MBD3L1: variants seen among roughly 807,000 people sequenced by gnomAD.
The protein encoded by MBD3L1 is methyl-CpG binding domain protein 3 like 1.
For synonymous variants in MBD3L1, 84 were observed against 85.1 expected, an observed-to-expected ratio of 0.99 and a Z score of 0.07; for missense variants, 203 against 230.1, an observed-to-expected ratio of 0.88 and a Z score of 0.76.
At chr19:8,839,410 T>C (rs2194167) in intron 1 of MBD3L1, among the ~76,000 whole-genome samples, 137,780 of 151,836 alleles carry the variant, frequency 0.91, 62,501 homozygotes, top group South Asian at 0.94. Context: ...CTGTGTTAGC[T>C]AGGATGGTCT....
chr19:8,834,425 T>C (rs978979827), intron 1 of MBD3L1, among the ~76,000 whole-genome samples: 3 of 151,452 alleles, frequency 2.0e-5, no homozygotes, highest in African/African-American at 7.3e-5. Context: ...CTGGCTAACA[T>C]GGTGAAACCC....
rs57499698 is a variant in MBD3L1, at chr19:8,839,185, C to CTTT, written c.-106-1715_-106-1713dup. 7.0e-4 allele frequency among the ~76,000 whole-genome samples: 85 copies of CTTT among 122,110 alleles called. 2 individuals are homozygous for CTTT. Among genetic ancestry groups the CTTT allele is most frequent in the African/African-American group, 1.7e-3 (54 of 31,028 alleles). 80.1% of individuals were successfully genotyped at this position (122,110 alleles called of 152,430 possible). On this transcript the variant is annotated intron_variant, in intron 1 of 2. Coordinates refer to ENST00000595891, the MANE Select transcript of MBD3L1 (RefSeq NM_001393532.1). ...GATTTTCTTTTTTTTCTTTTCTTTT[C>CTTT]TTTTTTTTTTTTTTTTTGAGACAGA...
rs777778031 is a variant in MBD3L1, at chr19:8,842,983, G to A, written c.305G>A (p.Gly102Asp). 2 of 1,614,228 alleles carry A rather than the reference G, an allele frequency of 1.2e-6. No individual in the cohort carries two copies. The highest frequency in any genetic ancestry group is 4.5e-5 in the East Asian group (2 of 44,880). ...CAAAAACTTGTCCCTAGTTACACAG[G>A]TGGATCTCTGCTGGAGGATCTTGCC... ...TLQKLVPSYTGGSLLEDLASG... is the reference protein window; with the variant it reads ...TLQKLVPSYTDGSLLEDLASG... Residue 102 changes from glycine to aspartate, a missense_variant, in exon 3 of 3, where the codon GGT becomes GAT. Gly to Asp is a moderately conservative substitution (Grantham distance 94). Transcript: ENST00000595891.
intron 1 of MBD3L1, among the ~76,000 whole-genome samples, chr19:8,837,333 C>A (rs576040543): frequency 6.6e-6 from 1 of 152,284 alleles, no homozygotes; most frequent in African/African-American, 2.4e-5. Context: ...AAAATAAGTA[C>A]TGGTGTAGCC....
Position 8,842,907 on chromosome 19 carries a change from T to TA in MBD3L1, c.230dup (p.Tyr77Ter). ...WQRRLQGLQA[Y>*]SSAGELSSTL... is the part of the protein sequence containing the mutation. ...GAGGAGACTGCAGGGACTCCAGGCT[T>TA]ACAGCAGTGCAGGAGAACTTTCAAG... Residue 77 changes from tyrosine to a stop codon, truncating the protein, a stop_gained and frameshift_variant, in exon 3 of 3, where the codon TAC (tyrosine) becomes TAAC (stop). Coordinates refer to ENST00000595891, the MANE Select transcript of MBD3L1 (RefSeq NM_001393532.1). LOFTEE classifies it low-confidence loss of function (END_TRUNC). 6.2e-7 allele frequency: 1 copy of TA among 1,614,222 alleles called. No homozygotes were observed. The highest frequency in any genetic ancestry group is 8.5e-7 in the Non-Finnish European group (1 of 1,180,030).
chr19:8,841,283 C>T (rs1328549864), intron 2 of MBD3L1, among the ~76,000 whole-genome samples: 1 of 151,302 alleles, frequency 6.6e-6, no homozygotes, highest in East Asian at 2.0e-4. Context: ...CCACCCACCT[C>T]GGCCTCCCAA....
At position 8,833,856 on chromosome 19, in the gene MBD3L1, G is replaced by A. The variant is rs11881673; in HGVS notation, c.-107+1334G>A. On this transcript the variant is annotated intron_variant, in intron 1 of 2. Coordinates refer to ENST00000595891, the MANE Select transcript of MBD3L1 (RefSeq NM_001393532.1). ...TACAAAATTAGCCGGGCGTGGTGGC[G>A]GATGCCTTGTAATCCCAGGTACTTG... Among the ~76,000 whole-genome samples the A allele has an allele frequency of 9.4e-3, 1,423 of 151,864 alleles. 20 individuals are homozygous for A. Among genetic ancestry groups the A allele is most frequent in the African/African-American group, 0.033 (1,362 of 41,260 alleles).
chr19:8,833,348 A>T (rs1295940414), intron 1 of MBD3L1: 4 of 152,202 alleles, frequency 2.6e-5, no homozygotes, highest in African/African-American at 9.7e-5. Flanking sequence ...GGTCATAGAT[A>T]CACATATAGG....
intron 1 of MBD3L1, among the ~76,000 whole-genome samples, chr19:8,832,838 C>T (rs1216414296): frequency 6.6e-6 from 1 of 151,890 alleles, no homozygotes; most frequent in East Asian, 1.9e-4. Context: ...TGTGACAGCC[C>T]TGGAGGTTGG....
chr19:8,839,190 T>G (rs200098796), intron 1 of MBD3L1, among the ~76,000 whole-genome samples: 2 of 99,576 alleles, frequency 2.0e-5, no homozygotes, highest in Non-Finnish European at 4.8e-5. Context: ...CTTTTCTTTT[T>G]TTTTTTTTTT....
chr19:8,838,252 CAAAAAAAAAAAAAAA>C lies in MBD3L1; in HGVS notation c.-106-2646_-106-2632del, dbSNP rs542318207. Among the ~76,000 whole-genome samples, 12 of 11,832 alleles carry C rather than the reference CAAAAAAAAAAAAAAA, an allele frequency of 1.0e-3. No individual in the cohort carries two copies. The South Asian group carries it at 0.017, about 17-fold the overall frequency. 7.8% of individuals were successfully genotyped at this position (11,832 alleles called of 152,430 possible). A position where few individuals can be genotyped will look rare whatever the true frequency, so the allele number is the denominator to read the frequency against. The stretch of plus-strand genomic sequence containing the variant: ...TGGACGACAGAGCAAGACTCCATCT[CAAAAAAAAAAAAAAA>C]AAAAAAAAAAAAAAAAGATCAGCAG... On this transcript the variant is annotated intron_variant, in intron 1 of 2. Coordinates refer to ENST00000595891, the MANE Select transcript of MBD3L1 (RefSeq NM_001393532.1).
At position 8,842,793 on chromosome 19, in the gene MBD3L1, G is replaced by C. The variant is rs1306460223; in HGVS notation, c.115G>C (p.Val39Leu). Reference protein sequence around the residue: ...RMSSYTFKRPVTRITPHPGNE... With the variant: ...RMSSYTFKRPLTRITPHPGNE... ...GTCCAGTTACACATTCAAGAGGCCA[G>C]TAACGAGAATTACACCCCATCCTGG... The change falls in exon 3 of 3, where the codon GTA (valine) becomes CTA (leucine). Residue 39 changes from valine (V) to leucine (L), a missense_variant. Physicochemically the swap from Val to Leu is conservative, Grantham distance 32. Coordinates refer to ENST00000595891, the MANE Select transcript of MBD3L1 (RefSeq NM_001393532.1). 1.2e-6 allele frequency: 2 copies of C among 1,614,226 alleles called. No individual in the cohort carries two copies. The highest frequency in any genetic ancestry group is 2.2e-5 in the East Asian group (1 of 44,888).
intron 2 of MBD3L1, among the ~76,000 whole-genome samples, chr19:8,842,234 G>T (rs1309998586): frequency 1.3e-5 from 2 of 151,392 alleles, no homozygotes; most frequent in Non-Finnish European, 2.9e-5. Context: ...GTTCAGGTGG[G>T]TGGATCACTT....
rs192096417 is a variant in MBD3L1, at chr19:8,840,545, C to T, written c.-106-370C>T. Among the ~76,000 whole-genome samples, 353 of 152,232 alleles carry T rather than the reference C, an allele frequency of 2.3e-3. 1 individual carries two copies. The highest frequency in any genetic ancestry group is 6.7e-3 in the African/African-American group (280 of 41,540). ...GTCTCAAACTCCTGTGTTCAAGTGG[C>T]CCTCCCGCCTCAGCCTACCAAAGTG... On this transcript the variant is annotated intron_variant, in intron 1 of 2. Transcript: ENST00000595891.
chr19:8,833,552 T>C (rs2044412967), intron 1 of MBD3L1: 1 of 152,242 alleles, frequency 6.6e-6, no homozygotes, highest in South Asian at 2.1e-4. Flanking sequence ...CAAGTCTCTG[T>C]TTTATACACC....
chr19:8,838,029 A>T (rs897316449), intron 1 of MBD3L1, among the ~76,000 whole-genome samples: 1 of 152,004 alleles, frequency 6.6e-6, no homozygotes, highest in Middle Eastern at 3.4e-3. Context: ...CGGGCGGATC[A>T]TGACATCAAG....
intron 1 of MBD3L1, among the ~76,000 whole-genome samples, chr19:8,840,183 CAA>C (rs775620947): frequency 1.0e-4 from 6 of 60,070 alleles, no homozygotes; most frequent in Admixed American, 3.6e-4. Context: ...GACTCCGTCT[CAA>C]AAAAAAAAAA....
At chr19:8,837,413 C>T (rs751009883) in intron 1 of MBD3L1, among the ~76,000 whole-genome samples, 1 of 152,144 alleles carries the variant, frequency 6.6e-6, no homozygotes, top group Non-Finnish European at 1.5e-5. Context: ...AAATTACAAT[C>T]GGGATATATT....
chr19:8,837,170 A>G (rs1434841573), intron 1 of MBD3L1, among the ~76,000 whole-genome samples: 2 of 152,218 alleles, frequency 1.3e-5, no homozygotes, highest in African/African-American at 4.8e-5. Context: ...CTCAGCAGGT[A>G]CTTGGTAACA....
Sources: gnomAD v4.1 joint callset for allele counts (sites outside exome capture counted in the v4.1 genomes callset) on GRCh38, gnomAD v4.1.1 for gene constraint, MANE v1.5 for transcripts, NCBI Gene and HGNC (gene_info 2026-07-23, HGNC 2026-07-21) for gene names.